FBXL7: variants seen among roughly 807,000 people sequenced by gnomAD.
FBXL7 encodes the protein F-box/LRR-repeat protein 7.
FBXL7 carries 12 observed loss-of-function variants against 38.3 expected under a neutral mutation model. The observed-to-expected ratio is 0.31, with a 90% CI of 0.20 to 0.51. The LOEUF (loss-of-function observed/expected upper bound fraction) is 0.51. Ranked by LOEUF, FBXL7 falls within the 20% of genes least tolerant of loss-of-function variation. FBXL7 has a pLI of 0.98. For missense variants in FBXL7, 567 were observed against 676.4 expected (o/e 0.84, Z 1.79); for synonymous variants, 297 against 300.9 (o/e 0.99, Z 0.13).
chr5:15,778,534 C>T (rs1393723021), intron 2 of FBXL7, among the ~76,000 whole-genome samples: 3 of 152,066 alleles, frequency 2.0e-5, no homozygotes, highest in Admixed American at 6.6e-5. Context: ...TGATCTTTTC[C>T]CCTAAAAGAA....
At chr5:15,729,627 G>C (rs1274984391) in intron 2 of FBXL7, among the ~76,000 whole-genome samples, 1 of 152,134 alleles carries the variant, frequency 6.6e-6, no homozygotes, top group African/African-American at 2.4e-5. Flanking sequence ...TTTAAAGGCA[G>C]TGTTGGCATT....
chr5:15,702,651 T>C (rs1743565010), intron 2 of FBXL7, among the ~76,000 whole-genome samples: 1 of 152,236 alleles, frequency 6.6e-6, no homozygotes. Context: ...GATTGCACTT[T>C]ATGGCTAACA....
At chr5:15,727,132 C>T (rs992629865) in intron 2 of FBXL7, among the ~76,000 whole-genome samples, 5 of 152,106 alleles carry the variant, frequency 3.3e-5, no homozygotes, top group African/African-American at 1.2e-4. Flanking sequence ...CTTCACCCCT[C>T]TTGGTTGTTG....
At chr5:15,894,176 G>A (rs1055417364) in intron 2 of FBXL7, among the ~76,000 whole-genome samples, 2 of 152,202 alleles carry the variant, frequency 1.3e-5, no homozygotes, top group Admixed American at 6.5e-5. Flanking sequence ...CTTGCTCCTC[G>A]CTTGAACTCA....
At chr5:15,924,632 C>CTT (rs34865383) in intron 2 of FBXL7, among the ~76,000 whole-genome samples, 17 of 120,024 alleles carry the variant, frequency 1.4e-4, no homozygotes, top group South Asian at 8.1e-4. Context: ...TCTCATTATT[C>CTT]TTTTTTTTTT....
In FBXL7 at chr5:15,893,719, A is replaced by G. The variant is rs7710993; in HGVS notation, c.128-34171A>G. Among the ~76,000 whole-genome samples the G allele has an allele frequency of 6.7e-3, 1,019 of 152,366 alleles. 17 individuals carry two copies. Among genetic ancestry groups the G allele is most frequent in the African/African-American group, 0.023 (969 of 41,598 alleles). On this transcript the variant is annotated intron_variant, in intron 2 of 3. Coordinates refer to ENST00000504595, the MANE Select transcript of FBXL7 (RefSeq NM_012304.5). ...TCACCTGGTTGAAACGGAGTTATCC[A>G]ATTGTGATCAAAATAATTTAGGTCA...
chr5:15,609,140 T>C (rs547400673), intron 1 of FBXL7, among the ~76,000 whole-genome samples: 7 of 152,272 alleles, frequency 4.6e-5, no homozygotes, highest in Non-Finnish European at 1.0e-4. Context: ...ATGGGTGATA[T>C]AACAGTGGCT....
chr5:15,918,518 G>A (rs964772764), intron 2 of FBXL7, among the ~76,000 whole-genome samples: 1 of 152,268 alleles, frequency 6.6e-6, no homozygotes, highest in African/African-American at 2.4e-5. Context: ...TGGCTTAAAC[G>A]TTTCCTTAGC....
intron 2 of FBXL7, among the ~76,000 whole-genome samples, chr5:15,686,366 C>A (rs1419181763): frequency 1.3e-5 from 2 of 152,184 alleles, no homozygotes; most frequent in Non-Finnish European, 2.9e-5. Context: ...CATTCCTTTA[C>A]ATGATTAACT....
In FBXL7 at chr5:15,814,140, C is replaced by T. The variant is rs558363048; in HGVS notation, c.128-113750C>T. Among the ~76,000 whole-genome samples the T allele has an allele frequency of 1.0e-3, 152 of 152,190 alleles. 1 individual carries two copies. Among genetic ancestry groups the T allele is most frequent in the African/African-American group, 3.0e-3 (125 of 41,526 alleles). On this transcript the variant is annotated intron_variant, in intron 2 of 3. Transcript: ENST00000504595. ...GACACATGCACACATATGTTTATTG[C>T]AGCACTATTCACAATAGCAACGACT... is the stretch of plus-strand genomic sequence containing the variant.
chr5:15,858,681 A>T (rs1739345098), intron 2 of FBXL7, among the ~76,000 whole-genome samples: 1 of 152,162 alleles, frequency 6.6e-6, no homozygotes, highest in South Asian at 2.1e-4. Flanking sequence ...CCTCGGCCAA[A>T]TGTTAGTTTT....
At chr5:15,641,501 CA>C (rs1359948946) in intron 2 of FBXL7, among the ~76,000 whole-genome samples, 4 of 140,002 alleles carry the variant, frequency 2.9e-5, no homozygotes, top group African/African-American at 1.1e-4. Context: ...TTATGACTGC[CA>C]TTTTTTTTTT....
intron 1 of FBXL7, among the ~76,000 whole-genome samples, chr5:15,505,417 A>G (rs1461921504): frequency 1.3e-5 from 2 of 152,130 alleles, no homozygotes; most frequent in Non-Finnish European, 2.9e-5. Flanking sequence ...CAACTTAAAT[A>G]TATGTTAACT....
chr5:15,591,599 A>G (rs531942942), intron 1 of FBXL7, among the ~76,000 whole-genome samples: 171 of 152,270 alleles, frequency 1.1e-3, no homozygotes, highest in African/African-American at 3.9e-3. Flanking sequence ...GGCAGCTTCC[A>G]TTTTTCTCCC....
rs143172142 is a variant in FBXL7 at position 15,693,438 on chromosome 5, T to G, written c.127+77366T>G. Among the ~76,000 whole-genome samples, 110 of 152,278 alleles carry G rather than the reference T, an allele frequency of 7.2e-4. 1 individual carries two copies. In the East Asian group the frequency reaches 0.02, roughly 27 times the overall value. The stretch of plus-strand genomic sequence containing the variant: ...TTCCCTTGCTTCCTTTTAACTTTCT[T>G]TTAAAAAGTGGCTTCCCTGTGATAC... On this transcript the variant is annotated intron_variant, in intron 2 of 3. Transcript: ENST00000504595.
At chr5:15,921,489 A>G (rs758440191) in intron 2 of FBXL7, among the ~76,000 whole-genome samples, 2 of 152,066 alleles carry the variant, frequency 1.3e-5, no homozygotes, top group African/African-American at 2.4e-5. Context: ...CCACCCATCC[A>G]CGCTAATACA....
chr5:15,619,712 A>G (rs1432598200), intron 2 of FBXL7, among the ~76,000 whole-genome samples: 1 of 152,194 alleles, frequency 6.6e-6, no homozygotes, highest in African/African-American at 2.4e-5. Context: ...ATATATTGTA[A>G]AGGATAATAT....
At chr5:15,632,498 A>G (rs948034649) in intron 2 of FBXL7, among the ~76,000 whole-genome samples, 1 of 152,184 alleles carries the variant, frequency 6.6e-6, no homozygotes, top group Admixed American at 6.5e-5. Context: ...CAGAACTGCT[A>G]TTCGACTCAG....
At chr5:15,862,375 C>A (rs1433477366) in intron 2 of FBXL7, among the ~76,000 whole-genome samples, 4 of 152,198 alleles carry the variant, frequency 2.6e-5, no homozygotes, top group East Asian at 3.9e-4. Flanking sequence ...ATCCATTAAA[C>A]CCCTTTCATT....
Sources: allele counts gnomAD v4.1 joint callset (sites outside exome capture counted in the v4.1 genomes callset), GRCh38; gene constraint gnomAD v4.1.1; transcripts MANE v1.5; gene names NCBI Gene and HGNC (gene_info 2026-07-23, HGNC 2026-07-21).